The following CADM2 variants were observed in gnomAD, a reference collection of about 807,000 sequenced individuals.
The protein encoded by CADM2 is cell adhesion molecule 2.
In CADM2, 12 loss-of-function variants were observed where a neutral mutation model predicts 49.8. The observed-to-expected ratio is 0.24, with a 90% CI of 0.15 to 0.39. The LOEUF (loss-of-function observed/expected upper bound fraction) is 0.39. Among genes scored for constraint, CADM2 ranks in the 10% least tolerant of loss-of-function variants. The pLI, the probability that CADM2 is intolerant of heterozygous loss-of-function variation, is 1.00. For synonymous variants in CADM2, 214 were observed against 175.4 expected (o/e 1.22, Z -1.74); for missense variants, 378 against 492.3 (o/e 0.77, Z 2.20).
chr3:85,408,467 A>T (rs1350295051), intron 1 of CADM2, among the ~76,000 whole-genome samples: 1 of 152,308 alleles, frequency 6.6e-6, no homozygotes, highest in East Asian at 1.9e-4. Context: ...AAACTTCAGA[A>T]TTTGTTAAGT....
At chr3:85,823,734 A>G (rs904586701) in intron 3 of CADM2, among the ~76,000 whole-genome samples, 4 of 152,206 alleles carry the variant, frequency 2.6e-5, no homozygotes, top group African/African-American at 9.6e-5. Context: ...TAGTACAAAG[A>G]GAATAAGTAA....
At chr3:85,361,086 G>C (rs1474508240) in intron 1 of CADM2, among the ~76,000 whole-genome samples, 3 of 152,070 alleles carry the variant, frequency 2.0e-5, no homozygotes, top group Non-Finnish European at 4.4e-5. Flanking sequence ...TATCCCAAGG[G>C]ACTAGCATAG....
At chr3:84,998,481 A>G (rs1229070622) in intron 1 of CADM2, among the ~76,000 whole-genome samples, 2 of 152,282 alleles carry the variant, frequency 1.3e-5, no homozygotes, top group African/African-American at 2.4e-5. Flanking sequence ...ACAATAAGGG[A>G]CAGGTACTAA....
chr3:86,013,474 G>A (rs1167802761), intron 8 of CADM2: 5 of 1,598,850 alleles, frequency 3.1e-6, no homozygotes, highest in African/African-American at 2.7e-5. Context: ...ATAAATTCTG[G>A]TGAAGAGGTT....
chr3:85,471,359 C>A (rs2038755731), intron 1 of CADM2, among the ~76,000 whole-genome samples: 1 of 152,120 alleles, frequency 6.6e-6, no homozygotes, highest in African/African-American at 2.4e-5. Context: ...GAAGTGATAT[C>A]CTTTACTTCT....
At chr3:85,663,211 T>A (rs1237326973) in intron 1 of CADM2, among the ~76,000 whole-genome samples, 1 of 152,010 alleles carries the variant, frequency 6.6e-6, no homozygotes, top group African/African-American at 2.4e-5. Context: ...ACCTTCCTAC[T>A]TTTTAGAGTT....
chr3:85,863,699 G>C (rs1424466272), intron 3 of CADM2, among the ~76,000 whole-genome samples: 1 of 152,152 alleles, frequency 6.6e-6, no homozygotes, highest in Non-Finnish European at 1.5e-5. Flanking sequence ...GCAGTATTCT[G>C]TTATAGTAGC....
At chr3:85,890,816 G>A (rs1472347313) in intron 5 of CADM2, among the ~76,000 whole-genome samples, 60 of 151,850 alleles carry the variant, frequency 4.0e-4, no homozygotes, top group Admixed American at 3.9e-3. Flanking sequence ...TATGTGTTTG[G>A]GACAAAAGTA....
intron 1 of CADM2, among the ~76,000 whole-genome samples, chr3:85,673,531 C>A (rs1179346030): frequency 3.4e-5 from 5 of 149,078 alleles, no homozygotes; most frequent in African/African-American, 7.4e-5. Context: ...CCAAAATAAT[C>A]TTTTATTTAA....
intron 1 of CADM2, among the ~76,000 whole-genome samples, chr3:85,485,800 C>T (rs530737289): frequency 6.6e-6 from 1 of 152,176 alleles, no homozygotes; most frequent in Admixed American, 6.5e-5. Flanking sequence ...CCAGGAGGCA[C>T]ATCTAATTCT....
At chr3:85,739,660 A>G (rs6785531) in intron 2 of CADM2, among the ~76,000 whole-genome samples, 2 of 151,260 alleles carry the variant, frequency 1.3e-5, no homozygotes, top group Non-Finnish European at 3.0e-5. Context: ...TCCTATGTTG[A>G]AAGATAATAA....
intron 1 of CADM2, among the ~76,000 whole-genome samples, chr3:85,430,600 G>C: frequency 6.6e-6 from 1 of 150,708 alleles, no homozygotes; most frequent in Non-Finnish European, 1.5e-5. Flanking sequence ...TTGCGAATAA[G>C]GAGAAAGGGG....
At chr3:85,531,587 G>A (rs985968172) in intron 1 of CADM2, among the ~76,000 whole-genome samples, 6 of 152,072 alleles carry the variant, frequency 3.9e-5, no homozygotes, top group African/African-American at 1.2e-4. Context: ...CATTCCTCCT[G>A]TGTTTATTTG....
chr3:85,331,689 A>G (rs1021752384), intron 1 of CADM2, among the ~76,000 whole-genome samples: 1 of 151,790 alleles, frequency 6.6e-6, no homozygotes, highest in Admixed American at 6.6e-5. Flanking sequence ...TATTTGAGGA[A>G]CCTCCATACT....
intron 8 of CADM2, among the ~76,000 whole-genome samples, chr3:85,997,502 G>A (rs1729576540): frequency 6.6e-6 from 1 of 151,884 alleles, no homozygotes; most frequent in Non-Finnish European, 1.5e-5. Flanking sequence ...CTTTAACTGG[G>A]AAAATGGAAA....
chr3:85,970,585 T>G (rs537840954), intron 8 of CADM2, among the ~76,000 whole-genome samples: 1 of 151,728 alleles, frequency 6.6e-6, no homozygotes, highest in South Asian at 2.1e-4. Flanking sequence ...ACCTTATCAT[T>G]TAATTTTTAT....
At chr3:85,160,982 G>A (rs1255296390) in intron 1 of CADM2, among the ~76,000 whole-genome samples, 2 of 152,272 alleles carry the variant, frequency 1.3e-5, no homozygotes, top group South Asian at 2.1e-4. Context: ...GGCAAAGAAA[G>A]CTTGTAAAGC....
intron 8 of CADM2, among the ~76,000 whole-genome samples, chr3:86,035,887 C>A (rs2107189477): frequency 6.6e-6 from 1 of 152,244 alleles, no homozygotes; most frequent in South Asian, 2.1e-4. Flanking sequence ...AAGGTGCTGG[C>A]AGATTCAATT....
chr3:85,505,856 A>G (rs2040327432), intron 1 of CADM2, among the ~76,000 whole-genome samples: 2 of 152,124 alleles, frequency 1.3e-5, no homozygotes, highest in Non-Finnish European at 1.5e-5. Flanking sequence ...GCAATGAAAC[A>G]TGTTTGGTAT....
Sources: allele counts gnomAD v4.1 joint callset (sites outside exome capture counted in the v4.1 genomes callset), GRCh38; gene constraint gnomAD v4.1.1; transcripts MANE v1.5; gene names NCBI Gene and HGNC (gene_info 2026-07-23, HGNC 2026-07-21).